SPECC1: variants seen among roughly 807,000 people sequenced by gnomAD.
SPECC1 encodes cytospin-B.
A neutral mutation model predicts 104.1 loss-of-function variants in SPECC1; 62 were observed. The ratio of observed to expected loss-of-function variants is 0.60; its 90% CI spans 0.49 to 0.74. The LOEUF (loss-of-function observed/expected upper bound fraction) is 0.74. Among genes scored for constraint, SPECC1 ranks in the 30% least tolerant of loss-of-function variants. SPECC1 has a pLI of 0.00. For missense variants in SPECC1, 1,306 were observed against 1,310.5 expected, an observed-to-expected ratio of 1.00 and a Z score of 0.05; for synonymous variants, 513 against 501.6, an observed-to-expected ratio of 1.02 and a Z score of -0.30.
chr17:20,133,672 C>A (rs1011523482), intron 3 of SPECC1, among the ~76,000 whole-genome samples: 1 of 152,144 alleles, frequency 6.6e-6, no homozygotes, highest in Non-Finnish European at 1.5e-5. Context: ...ATGAATATTC[C>A]AGAACCACCT....
At position 20,112,244 on chromosome 17, in the gene SPECC1, T is replaced by G; in HGVS notation, c.283+1682T>G. On this transcript the variant is annotated intron_variant, in intron 3 of 14. Coordinates refer to ENST00000395527, the MANE Select transcript of SPECC1 (RefSeq NM_001243439.2). Reference sequence around the variant, plus strand: ...GAGGAGCTTTCTTAATTGACCGAAGTCCTGAGTACTTTGAACCCATTTTGA... The same window carrying G: ...GAGGAGCTTTCTTAATTGACCGAAGGCCTGAGTACTTTGAACCCATTTTGA... The G allele has an allele frequency of 5.2e-6, 4 of 763,462 alleles. No homozygotes were observed. In the South Asian group the frequency reaches 5.4e-5, roughly 10 times the overall value. The allele number at this position is 763,462 out of a possible 1,614,324, so 47.3% of individuals were successfully genotyped here. A position where few individuals can be genotyped will look rare whatever the true frequency, so the allele number is the denominator to read the frequency against.
rs545586628 is a variant in SPECC1 at position 20,261,834 on chromosome 17, C to A, written c.2940+1540C>A. ...ATGCACAAAATATAAATCATAATTT[C>A]TTGAACTGTGAGGAAGTGAAAAGTC... On this transcript the variant is annotated intron_variant, in intron 12 of 14. Transcript: ENST00000395527. Among the ~76,000 whole-genome samples, 184 of 152,278 alleles carry A rather than the reference C, an allele frequency of 1.2e-3. 1 individual carries two copies. Among genetic ancestry groups the A allele is most frequent in the African/African-American group, 3.9e-3 (163 of 41,562 alleles).
At chr17:20,161,645 A>G (rs1341075635) in intron 3 of SPECC1, among the ~76,000 whole-genome samples, 1 of 152,000 alleles carries the variant, frequency 6.6e-6, no homozygotes, top group Non-Finnish European at 1.5e-5. Context: ...AGGAGTTGGT[A>G]TGAATATGCT....
At chr17:20,079,878 C>T (rs1030777619) in intron 1 of SPECC1, among the ~76,000 whole-genome samples, 1 of 152,126 alleles carries the variant, frequency 6.6e-6, no homozygotes, top group African/African-American at 2.4e-5. Flanking sequence ...GGGCAGGAGG[C>T]GCAAGGAAAC....
At chr17:20,220,208 G>A (rs1024285356) in intron 4 of SPECC1, among the ~76,000 whole-genome samples, 1 of 152,172 alleles carries the variant, frequency 6.6e-6, no homozygotes, top group African/African-American at 2.4e-5. Context: ...AAATTATAAA[G>A]AATGTCATTG....
intron 4 of SPECC1, among the ~76,000 whole-genome samples, chr17:20,224,502 C>G (rs1010703043): frequency 1.2e-4 from 18 of 152,134 alleles, no homozygotes; most frequent in African/African-American, 4.3e-4. Context: ...GAGTCAGCAG[C>G]TTTAGCAGTC....
chr17:20,168,825 A>C (rs1391667652), intron 3 of SPECC1, among the ~76,000 whole-genome samples: 1 of 152,144 alleles, frequency 6.6e-6, no homozygotes, highest in African/African-American at 2.4e-5. Context: ...TATGATGTAG[A>C]TGTATATGTA....
intron 3 of SPECC1, among the ~76,000 whole-genome samples, chr17:20,131,750 A>G (rs2049649321): frequency 6.6e-6 from 1 of 151,434 alleles, no homozygotes; most frequent in South Asian, 2.1e-4. Context: ...CCCGAGTTCA[A>G]GCAATTCTCC....
intron 12 of SPECC1, among the ~76,000 whole-genome samples, chr17:20,264,456 GATT>G (rs2040145136): frequency 9.3e-6 from 1 of 107,208 alleles, no homozygotes; most frequent in African/African-American, 3.7e-5. Context: ...TTTGGAGACG[GATT>G]TTTTTTTTTT....
At chr17:20,080,417 T>G (rs887465103) in intron 1 of SPECC1, among the ~76,000 whole-genome samples, 10 of 152,074 alleles carry the variant, frequency 6.6e-5, no homozygotes, top group Non-Finnish European at 1.3e-4. Flanking sequence ...AGCAACACAT[T>G]ACAACCCGGG....
chr17:20,185,405 GTAA>G (rs2151253718), intron 3 of SPECC1, among the ~76,000 whole-genome samples: 1 of 152,310 alleles, frequency 6.6e-6, no homozygotes, highest in East Asian at 1.9e-4. Flanking sequence ...GAGCCGTTCT[GTAA>G]TAAGTCCAAC....
chr17:20,248,139 ACC>A (rs1352462121), intron 9 of SPECC1, among the ~76,000 whole-genome samples: 1 of 151,976 alleles, frequency 6.6e-6, no homozygotes, highest in Non-Finnish European at 1.5e-5. Context: ...GGTGGAACAG[ACC>A]CCAGAACCTC....
intron 3 of SPECC1, among the ~76,000 whole-genome samples, chr17:20,160,930 T>C (rs1377947108): frequency 6.6e-6 from 1 of 152,248 alleles, no homozygotes; most frequent in Non-Finnish European, 1.5e-5. Flanking sequence ...ATAAAAATGC[T>C]AGTGGTAGAA....
Position 20,239,160 on chromosome 17 carries a change from G to A in SPECC1, c.2351+6755G>A, listed in dbSNP as rs1008272662. On this transcript the variant is annotated intron_variant, in intron 7 of 14. Transcript: ENST00000395527. The stretch of plus-strand genomic sequence containing the variant: ...TCTAGGGTCTCAGAAAATATAGCAT[G>A]GACTTAAAGTCTAGATGTGTTTTGT... The A allele has an allele frequency of 3.9e-6, 4 of 1,026,284 alleles. No individual in the cohort carries two copies. In the East Asian group the frequency reaches 1.9e-4, roughly 49 times the overall value. 63.6% of individuals were successfully genotyped at this position (1,026,284 alleles called of 1,614,324 possible).
At chr17:20,072,869 C>T (rs1433277059) in intron 1 of SPECC1, among the ~76,000 whole-genome samples, 1 of 152,152 alleles carries the variant, frequency 6.6e-6, no homozygotes, top group African/African-American at 2.4e-5. Flanking sequence ...GTGGATATAA[C>T]ACATGTTGCT....
At chr17:20,304,836 G>C (rs1189431669) in intron 13 of SPECC1, among the ~76,000 whole-genome samples, 1 of 151,970 alleles carries the variant, frequency 6.6e-6, no homozygotes, top group Non-Finnish European at 1.5e-5. Flanking sequence ...TATGAGGCAG[G>C]CCCTCTGTGT....
At chr17:20,244,943 G>A (rs948764582) in intron 7 of SPECC1, among the ~76,000 whole-genome samples, 10 of 152,178 alleles carry the variant, frequency 6.6e-5, no homozygotes, top group Non-Finnish European at 1.5e-4. Flanking sequence ...TGAGAGGATT[G>A]AGGATTGGGT....
chr17:20,096,506 A>G, intron 1 of SPECC1, 125 bp from the exon 2 acceptor site: 1 of 1,143,232 alleles, frequency 8.7e-7, no homozygotes, highest in Non-Finnish European at 1.2e-6. Context: ...ATTTCCAGCC[A>G]AATCATAGGT....
In SPECC1 at chr17:20,316,976, T is replaced by G. The variant is rs547567818; in HGVS notation, c.*2911T>G. 9.4e-6 allele frequency: 2 copies of G among 213,212 alleles called. No individual in the cohort carries two copies. The highest frequency in any genetic ancestry group is 1.9e-5 in the Non-Finnish European group (2 of 105,350). 13.2% of individuals were successfully genotyped at this position (213,212 alleles called of 1,614,324 possible). A position where few individuals can be genotyped will look rare whatever the true frequency, so the allele number is the denominator to read the frequency against. On this transcript the variant is annotated 3_prime_UTR_variant, in exon 15 of 15. Coordinates refer to ENST00000395527, the MANE Select transcript of SPECC1 (RefSeq NM_001243439.2). ...CATTTTTGTCTGTATCCTGCTCTCT[T>G]TAGGTTAAAAAGAAGGAAAGAAACA...
Sources: gnomAD v4.1 joint callset for allele counts (sites outside exome capture counted in the v4.1 genomes callset) on GRCh38, gnomAD v4.1.1 for gene constraint, MANE v1.5 for transcripts, NCBI Gene and HGNC (gene_info 2026-07-23, HGNC 2026-07-21) for gene names.